Variants in GAPVD1 observed in about 807,000 individuals in gnomAD.
GAPVD1 encodes GTPase-activating protein and VPS9 domain-containing protein 1.
GAPVD1 carries 35 observed loss-of-function variants against 155.5 expected under a neutral mutation model. The ratio of observed to expected loss-of-function variants is 0.23; its 90% confidence interval spans 0.17 to 0.30. GAPVD1 has a LOEUF of 0.30. GAPVD1 is among the 10% of genes least tolerant of loss of function. The probability of loss-of-function intolerance (pLI) is 1.00; values close to 1 mark genes in which losing one functional copy is unlikely to be tolerated. For synonymous variants in GAPVD1, 636 were observed against 619.7 expected (o/e 1.03, Z -0.39); for missense variants, 1,429 against 1,775.7 (o/e 0.80, Z 3.51).
chr9:125,355,943 C>T (rs1054912760), intron 25 of GAPVD1, 86 bp downstream of exon 25: 3 of 746,272 alleles, frequency 4.0e-6, no homozygotes, highest in South Asian at 3.1e-5. Context: ...ATACGTGTAA[C>T]TTAGTGTCTG....
At chr9:125,308,106 A>G in intron 8 of GAPVD1, 1 of 587,470 alleles carries the variant, frequency 1.7e-6, no homozygotes, top group Non-Finnish European at 3.0e-6. Context: ...AAGTCATGCT[A>G]TCCACAGTAT....
chr9:125,355,699 G>T lies in GAPVD1; in HGVS notation c.3813G>T (p.Leu1271=), dbSNP rs762025862. ...AAACTGCTCAGGTAGAAGATTTTCTGCAGTTTCTTTATGGTGCAATGGCCC... is the reference window on the plus strand; with the variant it reads ...AAACTGCTCAGGTAGAAGATTTTCTTCAGTTTCTTTATGGTGCAATGGCCC... The part of the protein sequence containing the change: ...DDKTAQVEDF[L]QFLYGAMAQD... Residue 1271 remains leucine (L), a synonymous_variant, in exon 25 of 28, where the codon CTG becomes CTT. Transcript: ENST00000297933. 1.2e-6 allele frequency: 2 copies of T among 1,613,788 alleles called. No homozygotes were observed. Among genetic ancestry groups the T allele is most frequent in the Middle Eastern group, 1.6e-4 (1 of 6,074 alleles).
At chr9:125,276,309 G>A (rs1038651981) in intron 2 of GAPVD1, among the ~76,000 whole-genome samples, 3 of 152,046 alleles carry the variant, frequency 2.0e-5, no homozygotes, top group Non-Finnish European at 4.4e-5. Context: ...CAAAACATAC[G>A]AAAAACCAAA....
chr9:125,303,999 T>G (rs555696909), intron 5 of GAPVD1: 1 of 152,286 alleles, frequency 6.6e-6, no homozygotes, highest in East Asian at 1.9e-4. Context: ...AGTTCCAATT[T>G]TAGTATATGT....
At chr9:125,335,300 ATTTT>A in intron 15 of GAPVD1, 1 of 584,146 alleles carries the variant, frequency 1.7e-6, no homozygotes, top group Non-Finnish European at 3.1e-6. Context: ...CATTCTCTTC[ATTTT>A]TTATTTTGGA....
At chr9:125,352,319 C>T (rs12000847) in intron 23 of GAPVD1, among the ~76,000 whole-genome samples, 1,784 of 152,344 alleles carry the variant, frequency 0.012, 31 homozygotes, top group African/African-American at 0.039. Flanking sequence ...CCTGCCCCTG[C>T]GGCAAACTTC....
chr9:125,344,268 G>A (rs1167115307), intron 19 of GAPVD1, among the ~76,000 whole-genome samples: 5 of 152,012 alleles, frequency 3.3e-5, no homozygotes, highest in East Asian at 1.9e-4. Flanking sequence ...ATATTTGTAC[G>A]TGGCTTTTTC....
chr9:125,342,414 G>A, intron 19 of GAPVD1, 115 bp downstream of exon 19: 3 of 689,854 alleles, frequency 4.3e-6, no homozygotes, highest in Admixed American at 2.2e-5. Context: ...TGTGTGTACA[G>A]TGGGGAGTAT....
chr9:125,308,279 G>A lies in GAPVD1; in HGVS notation c.1441+399G>A, dbSNP rs1018330299. On this transcript the variant is annotated intron_variant, in intron 8 of 27. Transcript: ENST00000297933. ...GGAGATTGCTTGAGCCTGGGAGGTC[G>A]AGGCTGCAGTGAACCATGATTGTGC... 6 of 206,004 alleles carry A rather than the reference G, an allele frequency of 2.9e-5. No homozygotes were observed. In the East Asian group the frequency reaches 6.8e-4, roughly 23 times the overall value. 12.8% of individuals were successfully genotyped at this position (206,004 alleles called of 1,614,324 possible).
rs768732845 is a variant in GAPVD1 at position 125,337,480 on chromosome 9, A to T, written c.2766A>T (p.Pro922=). 2.5e-6 allele frequency: 4 copies of T among 1,614,230 alleles called. No individual in the cohort carries two copies. The highest frequency in any genetic ancestry group is 3.4e-6 in the Non-Finnish European group (4 of 1,180,032). ...GTGACCCCAGCTGGAACCGGCGTCC[A>T]GGAAATGAAGAGCGAGAACTCCCTC... ...PMSDPSWNRR[P]GNEERELPPA... is the part of the protein sequence containing the mutation. The change falls in exon 17 of 28, where the codon CCA becomes CCT. Residue 922 remains proline, a synonymous_variant. Coordinates refer to ENST00000297933, the MANE Select transcript of GAPVD1 (RefSeq NM_001282680.3).
At chr9:125,284,069 T>A (rs893718731) in intron 2 of GAPVD1, among the ~76,000 whole-genome samples, 5 of 151,964 alleles carry the variant, frequency 3.3e-5, no homozygotes, top group African/African-American at 1.2e-4. Context: ...AGAGATGGGG[T>A]TTTGCCATGT....
Position 125,268,933 on chromosome 9 carries a change from T to C in GAPVD1, c.-198-3T>C, listed in dbSNP as rs1223471008. The C allele has an allele frequency of 6.6e-6, 1 of 152,070 alleles. No individual in the cohort carries two copies. The highest frequency in any genetic ancestry group is 2.4e-5 in the African/African-American group (1 of 41,426). The allele number at this position is 152,070 out of a possible 1,614,324, so 9.4% of individuals were successfully genotyped here. On this transcript the variant is annotated splice_region_variant and splice_polypyrimidine_tract_variant and intron_variant, in intron 1 of 27. Transcript: ENST00000297933. ...TTTCCTTTTTCCTTTTTTTTTTCTTTAGGGGTAAGTGTACTGGAGAGAGTT... is the reference window on the plus strand; with the variant it reads ...TTTCCTTTTTCCTTTTTTTTTTCTTCAGGGGTAAGTGTACTGGAGAGAGTT...
At position 125,364,006 on chromosome 9, in the gene GAPVD1, T is replaced by C. The variant is rs1012486508; in HGVS notation, c.*1260T>C. ...AAGCTTCAAGCACAAGTCTTGTACA[T>C]GGGCCATCACTGTCTGGTTTCACTT... On this transcript the variant is annotated 3_prime_UTR_variant, in exon 28 of 28. Transcript: ENST00000297933. 1 of 152,622 alleles carries C rather than the reference T, an allele frequency of 6.6e-6. No individual in the cohort carries two copies. The highest frequency in any genetic ancestry group is 2.4e-5 in the African/African-American group (1 of 41,446). 9.5% of individuals were successfully genotyped at this position (152,622 alleles called of 1,614,324 possible). A position where few individuals can be genotyped will look rare whatever the true frequency, so the allele number is the denominator to read the frequency against.
intron 1 of GAPVD1, among the ~76,000 whole-genome samples, chr9:125,266,538 C>T (rs1834001171): frequency 1.3e-5 from 2 of 152,034 alleles, no homozygotes; most frequent in South Asian, 4.1e-4. Context: ...TGGTCTTGAT[C>T]TCCTGACCTT....
intron 17 of GAPVD1, among the ~76,000 whole-genome samples, chr9:125,338,452 AG>A (rs1170592874): frequency 6.6e-6 from 1 of 152,190 alleles, no homozygotes; most frequent in African/African-American, 2.4e-5. Context: ...TATAGTAAAA[AG>A]GTTCTATTCA....
Position 125,350,292 on chromosome 9 carries a change from C to T in GAPVD1, c.3300-3C>T. On this transcript the variant is annotated splice_region_variant and splice_polypyrimidine_tract_variant and intron_variant, in intron 21 of 27. Coordinates refer to ENST00000297933, the MANE Select transcript of GAPVD1 (RefSeq NM_001282680.3). ...ATTAATGTATTTTCTACTCATTTTT[C>T]AGAGATGCAAAAAAGAAACTGAGGC... 6.4e-7 allele frequency: 1 copy of T among 1,554,602 alleles called. No individual in the cohort carries two copies. The highest frequency in any genetic ancestry group is 8.7e-7 in the Non-Finnish European group (1 of 1,145,722).
intron 20 of GAPVD1, among the ~76,000 whole-genome samples, chr9:125,348,076 C>T (rs13291322): frequency 0.49 from 74,362 of 151,776 alleles, 18,399 homozygotes; most frequent in Middle Eastern, 0.58. Flanking sequence ...TTTTGTGAGA[C>T]AGTCTCACTA....
chr9:125,320,117 A>G (rs1015898663), intron 9 of GAPVD1, among the ~76,000 whole-genome samples: 2 of 152,152 alleles, frequency 1.3e-5, no homozygotes, highest in Non-Finnish European at 2.9e-5. Context: ...ATCGCCTCAC[A>G]TATTTTTCAT....
chr9:125,345,168 T>C (rs1848336723), intron 19 of GAPVD1, among the ~76,000 whole-genome samples: 1 of 151,788 alleles, frequency 6.6e-6, no homozygotes, highest in African/African-American at 2.4e-5. Context: ...TTCTTTTTCT[T>C]TTCTCTCTCT....
Sources: allele counts gnomAD v4.1 joint callset (sites outside exome capture counted in the v4.1 genomes callset), GRCh38; gene constraint gnomAD v4.1.1; transcripts MANE v1.5; gene names NCBI Gene and HGNC (gene_info 2026-07-23, HGNC 2026-07-21).